Variants in HYDIN observed in about 807,000 individuals in gnomAD.
The protein encoded by HYDIN is axonemal central pair apparatus protein HYDIN.
HYDIN carries 132 observed loss-of-function variants against 403.9 expected under a neutral mutation model. The observed-to-expected ratio is 0.33, with a 90% CI of 0.28 to 0.38. The LOEUF (loss-of-function observed/expected upper bound fraction) is 0.38. Among genes scored for constraint, HYDIN ranks in the 10% least tolerant of loss-of-function variants. The pLI is 1.00. For missense variants in HYDIN, 2,827 were observed against 5,009.5 expected (o/e 0.56, Z 13.15); for synonymous variants, 1,202 against 1,891.7 (o/e 0.64, Z 9.46).
intron 9 of HYDIN, among the ~76,000 whole-genome samples, chr16:71,118,437 C>G (rs2144479110): frequency 6.6e-6 from 1 of 150,546 alleles, no homozygotes; most frequent in Non-Finnish European, 1.5e-5. Context: ...CTTCATGGCT[C>G]TTAGTAGGTG....
chr16:71,078,938 G>C (rs927569629), intron 13 of HYDIN, among the ~76,000 whole-genome samples: 1 of 152,194 alleles, frequency 6.6e-6, no homozygotes, highest in Non-Finnish European at 1.5e-5. Flanking sequence ...ACAAGAATGA[G>C]GCTGTATTTC....
intron 13 of HYDIN, among the ~76,000 whole-genome samples, chr16:71,079,224 TC>T (rs1471277852): frequency 6.6e-6 from 1 of 152,162 alleles, no homozygotes; most frequent in Non-Finnish European, 1.5e-5. Context: ...CAGATGTTTT[TC>T]TTCAGTTTAG....
At chr16:70,854,455 C>T (rs1426230323) in intron 73 of HYDIN, among the ~76,000 whole-genome samples, 2 of 151,106 alleles carry the variant, frequency 1.3e-5, no homozygotes, top group East Asian at 2.0e-4. Context: ...GCTCTTGTCA[C>T]CCTGGCCAGA....
rs74603771 is a variant in HYDIN, at chr16:71,030,435, C to CT, written c.2768+1243dup. 2.0e-3 allele frequency among the ~76,000 whole-genome samples: 263 copies of CT among 128,430 alleles called. 2 individuals carry two copies. Among genetic ancestry groups the CT allele is most frequent in the Middle Eastern group, 3.8e-3 (1 of 260 alleles). 84.3% of individuals were successfully genotyped at this position (128,430 alleles called of 152,430 possible). ...TGTGTGTGTTGTTCTTCTTTTCTTT[C>CT]TTTTTTTTTTTTTTTAAGACAGGGT... On this transcript the variant is annotated intron_variant, in intron 19 of 85. Coordinates refer to ENST00000393567, the MANE Select transcript of HYDIN (RefSeq NM_001270974.2).
At chr16:70,901,244 T>G in intron 52 of HYDIN, 42 bp from the exon 53 acceptor site, 4 of 1,423,714 alleles carry the variant, frequency 2.8e-6, no homozygotes, top group Non-Finnish European at 3.9e-6. Flanking sequence ...TTTCAAATTT[T>G]GTAGTTTCAT....
At chr16:70,902,431 A>AAC (rs563781470) in intron 52 of HYDIN, among the ~76,000 whole-genome samples, 50 of 149,864 alleles carry the variant, frequency 3.3e-4, no homozygotes, top group Non-Finnish European at 6.5e-4. Flanking sequence ...AACATGGCAA[A>AAC]ACCCTGTCTC....
At chr16:71,193,513 T>A (rs1217537898) in intron 1 of HYDIN, among the ~76,000 whole-genome samples, 1 of 152,164 alleles carries the variant, frequency 6.6e-6, no homozygotes, top group East Asian at 1.9e-4. Context: ...TTTGCACCAT[T>A]GAATTCTAAA....
At chr16:71,077,827 G>T in intron 13 of HYDIN, among the ~76,000 whole-genome samples, 1 of 150,518 alleles carries the variant, frequency 6.6e-6, no homozygotes, top group Admixed American at 6.6e-5. Context: ...CCTACTGTAG[G>T]TTTTTTCTAT....
chr16:70,985,123 C>G, intron 28 of HYDIN, 62 bp downstream of exon 28: 1 of 1,461,934 alleles, frequency 6.8e-7, no homozygotes, highest in Non-Finnish European at 9.4e-7. Flanking sequence ...GTCGTGAATA[C>G]TCACCTGCTT....
chr16:71,023,000 T>C (rs1245208402), intron 21 of HYDIN, among the ~76,000 whole-genome samples: 1 of 151,888 alleles, frequency 6.6e-6, no homozygotes, highest in Non-Finnish European at 1.5e-5. Context: ...CTAGGCTGCA[T>C]ATTTAACATA....
Position 70,920,717 on chromosome 16 carries a change from C to A in HYDIN, c.7659G>T (p.Glu2553Asp), listed in dbSNP as rs1441075892. The A allele has an allele frequency of 5.0e-6, 8 of 1,594,746 alleles. No individual in the cohort carries two copies. The African/African-American group carries it at 1.1e-4, about 21-fold the overall frequency. The change falls in exon 46 of 86, where the codon GAG (glutamate) becomes GAT (aspartate). Residue 2553 changes from glutamate (E) to aspartate (D), a missense_variant. By Grantham distance (45) the Glu-to-Asp change is conservative. Transcript: ENST00000393567. ...EERSDWEGEG[E>D]EDHEGKKEKD... is the part of the protein sequence containing the mutation. ...TCTCCTTCTTCCCTTCGTGGTCCTCCTCCCCTTCCCCCTCCCAGTCGCTCC... is the reference window on the plus strand; with the variant it reads ...TCTCCTTCTTCCCTTCGTGGTCCTCATCCCCTTCCCCCTCCCAGTCGCTCC...
chr16:71,103,846 GCATTAAGATGT>G lies in HYDIN; in HGVS notation c.1328-9922_1328-9912del, dbSNP rs2083529637. Among the ~76,000 whole-genome samples the G allele has an allele frequency of 2.0e-5, 3 of 152,104 alleles. No individual in the cohort carries two copies. The South Asian group carries it at 6.2e-4, about 31-fold the overall frequency. ...TATAGATGAATTTGGGGGAGAAATG[GCATTAAGATGT>G]CATTAAGATATTATTGAATAGCCAT... On this transcript the variant is annotated intron_variant, in intron 10 of 85. Transcript: ENST00000393567.
chr16:70,944,145 G>T (rs1263672487), intron 41 of HYDIN, among the ~76,000 whole-genome samples, 196 bp from the exon 42 acceptor site: 1 of 152,202 alleles, frequency 6.6e-6, no homozygotes, highest in East Asian at 1.9e-4. Context: ...GGAATAGCAT[G>T]GAAGGTACGT....
intron 65 of HYDIN, 32 bp downstream of exon 65, chr16:70,872,005 A>T (rs1480533303): frequency 6.2e-7 from 1 of 1,609,456 alleles, no homozygotes; most frequent in South Asian, 1.1e-5. Context: ...GGACTAAGGG[A>T]TTCCAAAAAA....
chr16:71,172,591 T>C (rs2034213644), intron 5 of HYDIN, among the ~76,000 whole-genome samples: 1 of 152,158 alleles, frequency 6.6e-6, no homozygotes, highest in Non-Finnish European at 1.5e-5. Context: ...TATCTGGGCA[T>C]TTGGCATTCT....
intron 53 of HYDIN, among the ~76,000 whole-genome samples, chr16:70,900,703 C>CCATTTGTT (rs1251298235): frequency 6.7e-6 from 1 of 149,346 alleles, no homozygotes; most frequent in African/African-American, 2.5e-5. Flanking sequence ...TATAGCAACA[C>CCATTTGTT]CATTTGTTCA....
At chr16:70,892,560 G>A in intron 55 of HYDIN, 31 bp from the exon 56 acceptor site, 1 of 1,591,284 alleles carries the variant, frequency 6.3e-7, no homozygotes, top group Non-Finnish European at 8.6e-7. Context: ...GTCAGCCTAG[G>A]TCATTATCCC....
rs1203385081 is a variant in HYDIN at position 70,833,458 on chromosome 16, C to T, written c.13680-391G>A. Among the ~76,000 whole-genome samples the T allele has an allele frequency of 3.7e-5, 4 of 109,244 alleles. 2 individuals carry two copies. Among genetic ancestry groups the T allele is most frequent in the Non-Finnish European group, 7.6e-5 (4 of 52,350 alleles). The allele number at this position is 109,244 out of a possible 152,430, so 71.7% of individuals were successfully genotyped here. On this transcript the variant is annotated intron_variant, in intron 79 of 85. Transcript: ENST00000393567. Reference sequence around the variant, plus strand: ...ACTGTGGTCTTAACTGTTCCCTGCACTGCTTCCTGGTTCAGATCCTGGGGG... The same window carrying T: ...ACTGTGGTCTTAACTGTTCCCTGCATTGCTTCCTGGTTCAGATCCTGGGGG...
chr16:71,192,625 C>T (rs192514460), intron 1 of HYDIN, among the ~76,000 whole-genome samples: 7 of 152,276 alleles, frequency 4.6e-5, no homozygotes, highest in African/African-American at 1.7e-4. Flanking sequence ...TTTCCAGATT[C>T]AGCTGTCACC....
Sources: allele counts gnomAD v4.1 joint callset (sites outside exome capture counted in the v4.1 genomes callset), GRCh38; gene constraint gnomAD v4.1.1; transcripts MANE v1.5; gene names NCBI Gene and HGNC (gene_info 2026-07-23, HGNC 2026-07-21).